Variants in ABCC9 observed in about 807,000 individuals in gnomAD.
ABCC9 encodes ATP-binding cassette sub-family C member 9.
ABCC9 carries 95 observed loss-of-function variants against 188.3 expected under a neutral mutation model. The observed-to-expected ratio is 0.50, with a 90% CI of 0.43 to 0.60. The LOEUF (loss-of-function observed/expected upper bound fraction) is 0.60. Ranked by LOEUF, ABCC9 falls within the 20% of genes least tolerant of loss-of-function variation. ABCC9 has a pLI of 0.00. For synonymous variants in ABCC9, 659 were observed against 652.7 expected, an observed-to-expected ratio of 1.01 and a Z score of -0.15; for missense variants, 1,102 against 1,876.3, an observed-to-expected ratio of 0.59 and a Z score of 7.62.
At chr12:21,827,115 T>G in intron 31 of ABCC9, 1 of 985,320 alleles carries the variant, frequency 1.0e-6, no homozygotes, top group Non-Finnish European at 1.2e-6. Context: ...CACGTGGGGG[T>G]TAAAGTATTG....
chr12:21,925,993 T>C lies in ABCC9; in HGVS notation c.355A>G (p.Ile119Val), dbSNP rs745873108. Residue 119 changes from isoleucine (I) to valine (V), a missense_variant, in exon 5 of 40, where the codon ATA becomes GTA. Coordinates refer to ENST00000261200, the MANE Select transcript of ABCC9 (RefSeq NM_020297.4). ...GTTTCGATATTATGATAATACACTA[T>C]CGATGTTGTAGTGGCAACGAATCCC... ...VMGFVATTTS[I>V]VYYHNIETSN... 7 of 1,613,782 alleles carry C rather than the reference T, an allele frequency of 4.3e-6. No homozygotes were observed. In the South Asian group the frequency reaches 6.6e-5, roughly 15 times the overall value.
intron 36 of ABCC9, among the ~76,000 whole-genome samples, chr12:21,811,796 C>T (rs772886404): frequency 1.3e-4 from 20 of 152,072 alleles, no homozygotes; most frequent in South Asian, 6.2e-4. Flanking sequence ...CAAGCATCAC[C>T]GTTCTCAAGT....
chr12:21,845,065 C>A, intron 26 of ABCC9, 150 bp from the exon 27 acceptor site: 1 of 925,838 alleles, frequency 1.1e-6, no homozygotes. Context: ...TTTTGAGGCC[C>A]AGGGTAGTAT....
intron 30 of ABCC9, 26 bp downstream of exon 30, chr12:21,838,052 G>T: frequency 6.6e-7 from 1 of 1,523,864 alleles, no homozygotes; most frequent in Non-Finnish European, 9.1e-7. Context: ...TGCCTAGTCA[G>T]CTAATATAAA....
At chr12:21,908,738 A>G (rs572087887) in intron 10 of ABCC9, among the ~76,000 whole-genome samples, 1 of 152,094 alleles carries the variant, frequency 6.6e-6, no homozygotes, top group African/African-American at 2.4e-5. Flanking sequence ...TTATGACTTC[A>G]GAAATCACTT....
intron 24 of ABCC9, 39 bp from the exon 25 acceptor site, chr12:21,848,285 C>T: frequency 6.4e-7 from 1 of 1,554,714 alleles, no homozygotes; most frequent in Non-Finnish European, 8.9e-7. Context: ...GGAGCTAACA[C>T]CAATAGGTTG....
At chr12:21,888,174 A>G (rs1946974840) in intron 14 of ABCC9, among the ~76,000 whole-genome samples, 1 of 152,154 alleles carries the variant, frequency 6.6e-6, no homozygotes, top group South Asian at 2.1e-4. Flanking sequence ...CAGAAAAATC[A>G]GGACCACTTG....
intron 6 of ABCC9, among the ~76,000 whole-genome samples, chr12:21,916,660 C>T (rs1201177512): frequency 6.6e-6 from 1 of 152,112 alleles, no homozygotes; most frequent in Non-Finnish European, 1.5e-5. Flanking sequence ...CTCCTAAAAA[C>T]AATTTCTTCT....
chr12:21,805,039 G>A (rs1941736802), intron 39 of ABCC9: 1 of 1,324,430 alleles, frequency 7.6e-7, no homozygotes, highest in Non-Finnish European at 1.1e-6. Flanking sequence ...AGCTGATTTT[G>A]TAATAACACC....
At chr12:21,903,532 C>G (rs2137815774) in intron 12 of ABCC9, among the ~76,000 whole-genome samples, 1 of 152,268 alleles carries the variant, frequency 6.6e-6, no homozygotes, top group East Asian at 1.9e-4. Flanking sequence ...TAGAAAACCC[C>G]AATGTCTCAG....
At chr12:21,923,692 C>G in intron 5 of ABCC9, 1 of 590,436 alleles carries the variant, frequency 1.7e-6, no homozygotes. Flanking sequence ...ATGATACAAA[C>G]ATTTTGGGAA....
Position 21,848,210 on chromosome 12 carries a change from T to A in ABCC9, c.2806A>T (p.Thr936Ser), listed in dbSNP as rs1245003142. 1 of 1,613,240 alleles carries A rather than the reference T, an allele frequency of 6.2e-7. No individual in the cohort carries two copies. The highest frequency in any genetic ancestry group is 2.2e-5 in the East Asian group (1 of 44,868). ...EADQTTLERKTLRRAMYSREA... is the reference protein window; with the variant it reads ...EADQTTLERKSLRRAMYSREA... ...CTTGAATACATGGCCCGTCGGAGAG[T>A]TTTCCTCTCTAAAGTAGTTTGGTCA... is the stretch of plus-strand genomic sequence containing the variant. Residue 936 changes from threonine (T) to serine (S), a missense_variant, in exon 25 of 40, where the codon ACT becomes TCT. This residue lies in a region of ABCC9 where 131 missense variants were observed against 170.2 expected (regional missense o/e 0.77). Transcript: ENST00000261200.
At chr12:21,869,973 G>A (rs1228482551) in intron 18 of ABCC9, among the ~76,000 whole-genome samples, 1 of 152,100 alleles carries the variant, frequency 6.6e-6, no homozygotes, top group African/African-American at 2.4e-5. Context: ...TCCAAGTGTA[G>A]TTAATTTCAT....
chr12:21,844,798 G>A lies in ABCC9; in HGVS notation c.3214C>T (p.Leu1072Phe), dbSNP rs1944559067. 1.2e-6 allele frequency: 2 copies of A among 1,613,870 alleles called. No individual in the cohort carries two copies. Among genetic ancestry groups the A allele is most frequent in the Non-Finnish European group, 1.7e-6 (2 of 1,179,884 alleles). Residue 1072 changes from leucine (L) to phenylalanine (F), a missense_variant, in exon 27 of 40, where the codon CTT becomes TTT. By Grantham distance (22) the Leu-to-Phe change is conservative. Coordinates refer to ENST00000261200, the MANE Select transcript of ABCC9 (RefSeq NM_020297.4). ...GGTCCAAGGATTATCTTATTGAGAA[G>A]GTTGTGGTGAAGATTTTTGGCAGCT... The part of the protein sequence containing the change: ...LTAAKNLHHN[L>F]LNKIILGPIR...
At chr12:21,851,295 GTA>G (rs2137434771) in intron 24 of ABCC9, among the ~76,000 whole-genome samples, 1 of 152,052 alleles carries the variant, frequency 6.6e-6, no homozygotes, top group South Asian at 2.1e-4. Context: ...ACTCAATCTG[GTA>G]TCCAACTCTG....
At chr12:21,825,765 G>A (rs370316265) in intron 31 of ABCC9, among the ~76,000 whole-genome samples, 11 of 151,954 alleles carry the variant, frequency 7.2e-5, no homozygotes, top group South Asian at 2.1e-4. Flanking sequence ...CATGTTCTGC[G>A]TATGTATCCC....
At chr12:21,867,378 G>A (rs1385597187) in intron 18 of ABCC9, among the ~76,000 whole-genome samples, 3 of 151,924 alleles carry the variant, frequency 2.0e-5, no homozygotes, top group African/African-American at 2.4e-5. Context: ...AATGCAAAGA[G>A]GTCATATAGA....
chr12:21,927,340 G>A (rs1297450314), intron 4 of ABCC9, among the ~76,000 whole-genome samples: 4 of 152,136 alleles, frequency 2.6e-5, no homozygotes, highest in African/African-American at 9.7e-5. Flanking sequence ...TGTGGATAAG[G>A]AAGTTGGTTG....
chr12:21,933,505 T>C (rs181015074), intron 4 of ABCC9, among the ~76,000 whole-genome samples: 2 of 152,246 alleles, frequency 1.3e-5, no homozygotes, highest in African/African-American at 2.4e-5. Context: ...TTTGCTTCTT[T>C]ACAAAATAAA....
Sources: allele counts gnomAD v4.1 joint callset (sites outside exome capture counted in the v4.1 genomes callset), GRCh38; gene constraint gnomAD v4.1.1; regional missense constraint gnomAD v4.1.1; transcripts MANE v1.5; gene names NCBI Gene and HGNC (gene_info 2026-07-23, HGNC 2026-07-21).